Variants in FRMD4A observed in about 807,000 individuals in gnomAD.
The protein encoded by FRMD4A is FERM domain containing 4A.
In FRMD4A, 29 loss-of-function variants were observed where a neutral mutation model predicts 129.1. The ratio of observed to expected loss-of-function variants is 0.22; its 90% CI spans 0.17 to 0.31. The LOEUF is 0.31. Ranked by LOEUF, FRMD4A falls within the 10% of genes least tolerant of loss-of-function variation. The pLI is 1.00. For synonymous variants in FRMD4A, 634 were observed against 571.6 expected (o/e 1.11, Z -1.56); for missense variants, 1,272 against 1,375.8 (o/e 0.92, Z 1.19).
intron 2 of FRMD4A, among the ~76,000 whole-genome samples, chr10:14,273,799 G>C (rs1845245320): frequency 6.6e-6 from 1 of 152,120 alleles, no homozygotes; most frequent in African/African-American, 2.4e-5. Flanking sequence ...GATAAAAATT[G>C]ATGGATATTG....
intron 2 of FRMD4A, among the ~76,000 whole-genome samples, chr10:14,013,263 G>A (rs2095688077): frequency 6.6e-6 from 1 of 152,170 alleles, no homozygotes; most frequent in South Asian, 2.1e-4. Flanking sequence ...ACATCTTGCA[G>A]GGTATTAAAA....
chr10:13,994,175 ATTTTTTTTTTTT>A (rs549621959), intron 2 of FRMD4A, among the ~76,000 whole-genome samples: 6 of 101,974 alleles, frequency 5.9e-5, no homozygotes, highest in African/African-American at 1.7e-4. Flanking sequence ...CGCCCAGCTA[ATTTTTTTTTTTT>A]TTTTTTTTTT....
chr10:14,219,476 C>G (rs1208212893), intron 2 of FRMD4A, among the ~76,000 whole-genome samples: 1 of 152,182 alleles, frequency 6.6e-6, no homozygotes, highest in Non-Finnish European at 1.5e-5. Flanking sequence ...ATAACTCTTC[C>G]TATTCACAAA....
In FRMD4A at chr10:14,185,513, G is replaced by A. The variant is rs74122391; in HGVS notation, c.45+144545C>T. 2.6e-5 allele frequency among the ~76,000 whole-genome samples: 4 copies of A among 152,222 alleles called. 1 individual carries two copies. The South Asian group carries it at 8.3e-4, about 32-fold the overall frequency. ...TTTTTCTAACTTCAAGTATTTTTTG[G>A]AGGTTTGTTGTAGAACTATGGAAAC... On this transcript the variant is annotated intron_variant, in intron 2 of 24. Transcript: ENST00000357447.
chr10:14,193,235 C>A (rs373466529), intron 2 of FRMD4A, among the ~76,000 whole-genome samples: 1 of 152,172 alleles, frequency 6.6e-6, no homozygotes, highest in African/African-American at 2.4e-5. Flanking sequence ...TGATAGGTTG[C>A]CTCTTAATTA....
At chr10:14,302,872 T>C (rs565600311) in intron 2 of FRMD4A, among the ~76,000 whole-genome samples, 131 of 152,272 alleles carry the variant, frequency 8.6e-4, no homozygotes, top group Non-Finnish European at 1.4e-3. Flanking sequence ...AAGCCCTATA[T>C]CAAGGCAGAG....
At chr10:13,654,974 G>A (rs539409682) in intron 22 of FRMD4A, 1 of 165,336 alleles carries the variant, frequency 6.0e-6, no homozygotes, top group South Asian at 1.7e-4. Flanking sequence ...TCCCCATTGT[G>A]AAGAGAGGGC....
chr10:13,826,214 C>G (rs145581752), intron 3 of FRMD4A, among the ~76,000 whole-genome samples: 2,484 of 152,308 alleles, frequency 0.016, 78 homozygotes, highest in African/African-American at 0.056. Context: ...TTAAAATTAT[C>G]CCCTCCTCAC....
chr10:14,179,315 T>C (rs1239623778), intron 2 of FRMD4A, among the ~76,000 whole-genome samples: 1 of 152,166 alleles, frequency 6.6e-6, no homozygotes, highest in Non-Finnish European at 1.5e-5. Context: ...CGTGAAGGCT[T>C]TACCCTCTGT....
chr10:14,039,932 T>TGTATGTATGTGA (rs1473598715), intron 2 of FRMD4A, among the ~76,000 whole-genome samples: 11 of 152,254 alleles, frequency 7.2e-5, no homozygotes, highest in Admixed American at 5.9e-4. Context: ...GGTTCATATA[T>TGTATGTATGTGA]GTATGTATGT....
intron 17 of FRMD4A, among the ~76,000 whole-genome samples, chr10:13,669,107 G>C (rs571053310): frequency 1.4e-5 from 2 of 142,152 alleles, no homozygotes; most frequent in African/African-American, 5.3e-5. Context: ...TGTCACCCAG[G>C]CTGGAGTGCA....
chr10:14,298,812 C>A (rs112844908), intron 2 of FRMD4A, among the ~76,000 whole-genome samples: 3 of 152,138 alleles, frequency 2.0e-5, no homozygotes, highest in Non-Finnish European at 2.9e-5. Flanking sequence ...CTGTTAGGAG[C>A]AATGAGTAGG....
chr10:13,800,040 G>A (rs548120060), intron 4 of FRMD4A, among the ~76,000 whole-genome samples: 1 of 152,004 alleles, frequency 6.6e-6, no homozygotes, highest in Non-Finnish European at 1.5e-5. Flanking sequence ...AAATTAGCCA[G>A]GCGTGGTGGC....
intron 2 of FRMD4A, among the ~76,000 whole-genome samples, chr10:14,041,945 G>A (rs1588852497): frequency 6.6e-6 from 1 of 152,196 alleles, no homozygotes; most frequent in African/African-American, 2.4e-5. Flanking sequence ...AGCACAGGGA[G>A]CTTGCAGGGT....
intron 2 of FRMD4A, among the ~76,000 whole-genome samples, chr10:14,168,757 A>G (rs576421836): frequency 7.2e-5 from 11 of 152,352 alleles, no homozygotes; most frequent in African/African-American, 2.4e-4. Flanking sequence ...AAAATGACCT[A>G]TAAGTCCTAT....
At chr10:13,772,618 G>A (rs965489720) in intron 6 of FRMD4A, among the ~76,000 whole-genome samples, 14 of 152,146 alleles carry the variant, frequency 9.2e-5, no homozygotes, top group Non-Finnish European at 1.3e-4. Flanking sequence ...GAGGTAAAGC[G>A]CCTCAAATTC....
intron 2 of FRMD4A, among the ~76,000 whole-genome samples, chr10:13,984,964 CCTA>C (rs2095575795): frequency 6.6e-6 from 1 of 152,244 alleles, no homozygotes; most frequent in Admixed American, 6.5e-5. Context: ...ATCTTTCCCA[CCTA>C]CTATTTCTGC....
intron 2 of FRMD4A, among the ~76,000 whole-genome samples, chr10:14,316,077 A>T (rs1386723254): frequency 6.6e-6 from 1 of 152,230 alleles, no homozygotes; most frequent in Non-Finnish European, 1.5e-5. Flanking sequence ...GTATGAGACC[A>T]TGGGAATCTA....
chr10:14,027,526 G>T (rs1833039653), intron 2 of FRMD4A, among the ~76,000 whole-genome samples: 1 of 152,218 alleles, frequency 6.6e-6, no homozygotes, highest in East Asian at 1.9e-4. Flanking sequence ...TGAGACAGGA[G>T]AATTGCTTGA....
Sources: gnomAD v4.1 joint callset for allele counts (sites outside exome capture counted in the v4.1 genomes callset) on GRCh38, gnomAD v4.1.1 for gene constraint, MANE v1.5 for transcripts, NCBI Gene and HGNC (gene_info 2026-07-23, HGNC 2026-07-21) for gene names.